The following HEATR5A variants were observed in gnomAD, a reference collection of about 807,000 sequenced individuals.
HEATR5A encodes the protein HEAT repeat containing 5A, also known as HEAT repeat-containing protein 5A.
HEATR5A carries 178 observed loss-of-function variants against 218.8 expected under a neutral mutation model. The observed-to-expected ratio is 0.81, with a 90% CI of 0.72 to 0.92. The LOEUF is 0.92. HEATR5A is among the 40% of genes least tolerant of loss of function. HEATR5A has a pLI of 0.00. For missense variants in HEATR5A, 2,420 were observed against 2,418.9 expected (o/e 1.00, Z -0.01); for synonymous variants, 864 against 871.6 (o/e 0.99, Z 0.15).
intron 2 of HEATR5A, among the ~76,000 whole-genome samples, chr14:31,401,232 T>A (rs1039343381): frequency 2.0e-5 from 3 of 152,086 alleles, no homozygotes; most frequent in African/African-American, 7.2e-5. Context: ...GGGAGGGGCC[T>A]GCTAGGAGGT....
At chr14:31,301,444 G>A (rs1459140431) in intron 33 of HEATR5A, among the ~76,000 whole-genome samples, 1 of 152,046 alleles carries the variant, frequency 6.6e-6, no homozygotes, top group African/African-American at 2.4e-5. Flanking sequence ...AATGGATGCT[G>A]AAAATAATAC....
chr14:31,304,824 A>C, intron 32 of HEATR5A, 81 bp downstream of exon 32: 1 of 1,408,584 alleles, frequency 7.1e-7, no homozygotes, highest in Non-Finnish European at 9.7e-7. Flanking sequence ...TAAAAAGAAA[A>C]AGATTAGCAA....
At chr14:31,355,712 G>GA (rs1233828342) in intron 16 of HEATR5A, among the ~76,000 whole-genome samples, 5 of 150,150 alleles carry the variant, frequency 3.3e-5, no homozygotes, top group African/African-American at 9.8e-5. Context: ...CTGTCTCAAA[G>GA]AAAAAAAAAG....
chr14:31,393,833 T>C (rs565253364), intron 6 of HEATR5A, among the ~76,000 whole-genome samples: 7 of 152,192 alleles, frequency 4.6e-5, no homozygotes, highest in Admixed American at 3.3e-4. Context: ...ATTTTTAGTA[T>C]AGACGGGTCT....
chr14:31,404,839 G>C (rs2030999499), intron 1 of HEATR5A, among the ~76,000 whole-genome samples: 1 of 151,884 alleles, frequency 6.6e-6, no homozygotes. Context: ...ACTTGAGCCA[G>C]AGAGGTGGAG....
At chr14:31,356,602 T>C (rs948751125) in intron 16 of HEATR5A, among the ~76,000 whole-genome samples, 2 of 152,164 alleles carry the variant, frequency 1.3e-5, no homozygotes, top group Admixed American at 6.6e-5. Context: ...CCAAACAGAA[T>C]GATAGGGTTT....
chr14:31,365,691 G>T (rs149182831), intron 13 of HEATR5A, among the ~76,000 whole-genome samples: 1,739 of 150,764 alleles, frequency 0.012, 17 homozygotes, highest in African/African-American at 0.035. Context: ...TCGAGACAGG[G>T]TCTTGCTCTG....
At chr14:31,356,628 C>T (rs1901436573) in intron 16 of HEATR5A, among the ~76,000 whole-genome samples, 1 of 152,170 alleles carries the variant, frequency 6.6e-6, no homozygotes. Context: ...TATCTGTTCT[C>T]AATGTTTTTA....
chr14:31,332,654 G>A, intron 22 of HEATR5A, among the ~76,000 whole-genome samples: 1 of 152,130 alleles, frequency 6.6e-6, no homozygotes, highest in Non-Finnish European at 1.5e-5. Flanking sequence ...TGATAAGGAA[G>A]ATAAACAACC....
intron 1 of HEATR5A, among the ~76,000 whole-genome samples, chr14:31,419,968 G>A (rs1309404206): frequency 6.6e-6 from 1 of 152,228 alleles, no homozygotes; most frequent in Admixed American, 6.5e-5. Flanking sequence ...GAAAACGAAC[G>A]GGCCTCTGAG....
intron 1 of HEATR5A, among the ~76,000 whole-genome samples, chr14:31,409,730 G>C (rs1228076020): frequency 1.3e-5 from 2 of 152,158 alleles, no homozygotes; most frequent in East Asian, 1.9e-4. Context: ...ACAAGGGTTG[G>C]TTTTAATTCA....
rs762423943 is a variant in HEATR5A, at chr14:31,358,659, C to T, written c.2389G>A (p.Ala797Thr). Reference sequence around the variant, plus strand: ...TACCTTTGAGTTTCTCCCACATGAGCGCATACAACCCCAAAGAGCTTGGAT... The same window carrying T: ...TACCTTTGAGTTTCTCCCACATGAGTGCATACAACCCCAAAGAGCTTGGAT... ...SASKLFGVVC[A>T]HVGETQRLLI... The change falls in exon 16 of 36, where the codon GCT (alanine) becomes ACT (threonine). Residue 797 changes from alanine (A) to threonine (T), a missense_variant. Coordinates refer to ENST00000543095, the MANE Select transcript of HEATR5A (RefSeq NM_015473.4). 55 of 1,613,326 alleles carry T rather than the reference C, an allele frequency of 3.4e-5. No individual in the cohort carries two copies. The South Asian group carries it at 4.0e-4, about 12-fold the overall frequency.
chr14:31,351,985 C>T (rs1053590798), intron 16 of HEATR5A, among the ~76,000 whole-genome samples: 3 of 152,114 alleles, frequency 2.0e-5, no homozygotes, highest in African/African-American at 7.2e-5. Flanking sequence ...TATTCAACCA[C>T]TCTGCTACTG....
chr14:31,419,035 G>A (rs2031551920), intron 1 of HEATR5A, among the ~76,000 whole-genome samples: 1 of 152,042 alleles, frequency 6.6e-6, no homozygotes. Context: ...TATTTTCTGT[G>A]ACTAAAGTCA....
chr14:31,375,249 T>C (rs190771227), intron 11 of HEATR5A, among the ~76,000 whole-genome samples: 3 of 152,336 alleles, frequency 2.0e-5, no homozygotes, highest in Non-Finnish European at 4.4e-5. Flanking sequence ...TTCGTCTACA[T>C]ATTAAATGAA....
At position 31,304,968 on chromosome 14, in the gene HEATR5A, T is replaced by G. The variant is rs1300737307; in HGVS notation, c.5176A>C (p.Ser1726Arg). Residue 1726 changes from serine to arginine, a missense_variant, in exon 32 of 36, where the codon AGT (serine) becomes CGT (arginine). Transcript: ENST00000543095. Reference sequence around the variant, plus strand: ...ACCAATGCAGCTGAAACCAATCTACTTCCATCTTCTAATAGTATCTGTGGC... The same window carrying G: ...ACCAATGCAGCTGAAACCAATCTACGTCCATCTTCTAATAGTATCTGTGGC... ...TKPQILLEDG[S>R]RLVSAALVIL... The G allele has an allele frequency of 2.5e-6, 4 of 1,613,898 alleles. No homozygotes were observed. The highest frequency in any genetic ancestry group is 3.3e-4 in the Middle Eastern group (2 of 6,084).
chr14:31,314,676 C>T (rs1217387625), intron 27 of HEATR5A, among the ~76,000 whole-genome samples: 2 of 152,120 alleles, frequency 1.3e-5, no homozygotes, highest in African/African-American at 4.8e-5. Context: ...GTTGGGATTA[C>T]AAGCATGAGC....
At position 31,313,101 on chromosome 14, in the gene HEATR5A, T is replaced by C. The variant is rs779682991; in HGVS notation, c.4308A>G (p.Ser1436=). 17 of 1,613,750 alleles carry C rather than the reference T, an allele frequency of 1.1e-5. No individual in the cohort carries two copies. Among genetic ancestry groups the C allele is most frequent in the Admixed American group, 5.0e-5 (3 of 59,990 alleles). ...TCLEDGIRNG[S]CSSDGLLDLV... is the part of the protein sequence containing the mutation. ...AGTCAAGCAGTCCATCTGATGAACA[T>C]GATCCATTTCTGATACCGTCTTCTA... Residue 1436 remains serine, a synonymous_variant, in exon 28 of 36, where the codon TCA becomes TCG. Transcript: ENST00000543095.
At chr14:31,327,405 T>C (rs536255336) in intron 22 of HEATR5A, among the ~76,000 whole-genome samples, 2 of 150,214 alleles carry the variant, frequency 1.3e-5, no homozygotes, top group Non-Finnish European at 3.0e-5. Context: ...GCAATTCTCC[T>C]GTCTCAGCCT....
Sources: allele counts gnomAD v4.1 joint callset (sites outside exome capture counted in the v4.1 genomes callset), GRCh38; gene constraint gnomAD v4.1.1; transcripts MANE v1.5; gene names NCBI Gene and HGNC (gene_info 2026-07-23, HGNC 2026-07-21).